Variants in WDPCP observed in about 807,000 individuals in gnomAD.
WDPCP encodes the protein WD repeat containing planar cell polarity effector, also known as WD repeat-containing and planar cell polarity effector protein fritz homolog.
Under a neutral mutation model 93.1 loss-of-function variants are expected in WDPCP, and 71 were observed. That is an observed-to-expected ratio of 0.76 (90% CI 0.63 to 0.93). The LOEUF is 0.93. Among genes scored for constraint, WDPCP ranks in the 40% least tolerant of loss-of-function variants. WDPCP has a pLI of 0.00. For synonymous variants in WDPCP, 315 were observed against 315.0 expected (o/e 1.00, Z 0.00); for missense variants, 844 against 887.4 (o/e 0.95, Z 0.62).
intron 1 of WDPCP, among the ~76,000 whole-genome samples, chr2:63,576,536 A>G (rs1355742098): frequency 2.0e-5 from 3 of 152,316 alleles, no homozygotes; most frequent in African/African-American, 7.2e-5. Flanking sequence ...CAGCTGTTCA[A>G]CTATCCAGAA....
chr2:63,719,555 G>A lies in WDPCP; in HGVS notation n.309-68717C>T, dbSNP rs114890087. Among the ~76,000 whole-genome samples the A allele has an allele frequency of 4.1e-3, 623 of 152,256 alleles. 3 individuals are homozygous for A. Among genetic ancestry groups the A allele is most frequent in the African/African-American group, 0.014 (583 of 41,532 alleles). ...ACTTTGTCAGAAACTGATAGACAAAGTGATCAAAAATTAGGCAGATACAGA... is the reference window on the plus strand; with the variant it reads ...ACTTTGTCAGAAACTGATAGACAAAATGATCAAAAATTAGGCAGATACAGA... On this transcript the variant is annotated intron_variant and non_coding_transcript_variant, in intron 2 of 4. Coordinates refer to the WDPCP transcript ENST00000467687.
chr2:63,426,345 A>G (rs1421930881), intron 9 of WDPCP, among the ~76,000 whole-genome samples: 1 of 152,174 alleles, frequency 6.6e-6, no homozygotes, highest in Non-Finnish European at 1.5e-5. Flanking sequence ...CTGTCTCAAA[A>G]AAAAACAAAA....
chr2:63,697,671 A>T (rs546928329), intron 2 of WDPCP, among the ~76,000 whole-genome samples: 1 of 152,300 alleles, frequency 6.6e-6, no homozygotes, highest in Non-Finnish European at 1.5e-5. Context: ...CTTTTGAAAC[A>T]GAGTCTCACT....
chr2:63,661,737 A>T (rs927777283), intron 2 of WDPCP, among the ~76,000 whole-genome samples: 1 of 152,248 alleles, frequency 6.6e-6, no homozygotes, highest in East Asian at 1.9e-4. Context: ...AGTAGCTGAC[A>T]TAATAGATGC....
At chr2:63,192,972 A>G (rs1225904500) in intron 14 of WDPCP, among the ~76,000 whole-genome samples, 3 of 152,376 alleles carry the variant, frequency 2.0e-5, no homozygotes, top group Non-Finnish European at 4.4e-5. Context: ...TAAAATATTT[A>G]CAAAGTAGCA....
At chr2:63,423,455 T>C (rs903591342) in intron 9 of WDPCP, among the ~76,000 whole-genome samples, 3 of 152,310 alleles carry the variant, frequency 2.0e-5, no homozygotes, top group African/African-American at 7.2e-5. Flanking sequence ...AATTAGTTTT[T>C]TCTTCTTATG....
intron 11 of WDPCP, among the ~76,000 whole-genome samples, chr2:63,380,464 G>A (rs1268266496): frequency 2.6e-5 from 4 of 152,106 alleles, no homozygotes; most frequent in Non-Finnish European, 5.9e-5. Flanking sequence ...TTGGCCAGGC[G>A]CAGTACGGGC....
chr2:63,618,183 C>T (rs1469530095), intron 3 of WDPCP, among the ~76,000 whole-genome samples: 3 of 152,144 alleles, frequency 2.0e-5, no homozygotes, highest in Non-Finnish European at 2.9e-5. Context: ...CAAATATCAA[C>T]GCCCTGTTGA....
chr2:63,418,743 AG>A (rs1695615914), intron 9 of WDPCP, among the ~76,000 whole-genome samples: 1 of 152,254 alleles, frequency 6.6e-6, no homozygotes, highest in South Asian at 2.1e-4. Context: ...AGATAATTAA[AG>A]GAAGAAGAAA....
intron 13 of WDPCP, among the ~76,000 whole-genome samples, chr2:63,303,332 T>C (rs990826243): frequency 3.3e-5 from 5 of 152,102 alleles, no homozygotes; most frequent in African/African-American, 1.2e-4. Flanking sequence ...CTAGAAGGCC[T>C]AAGAAGGTTT....
intron 2 of WDPCP, among the ~76,000 whole-genome samples, chr2:63,750,035 G>C (rs1263326334): frequency 6.6e-6 from 1 of 152,020 alleles, no homozygotes; most frequent in African/African-American, 2.4e-5. Flanking sequence ...ACAGTGACTA[G>C]AACTCTGAAA....
chr2:63,394,367 T>G (rs1274557173), intron 10 of WDPCP, among the ~76,000 whole-genome samples: 1 of 115,498 alleles, frequency 8.7e-6, no homozygotes, highest in Non-Finnish European at 1.9e-5. Flanking sequence ...ATGGCTATTA[T>G]TAATAAGCTA....
At chr2:63,734,902 C>CAGAT (rs776258962) in intron 2 of WDPCP, among the ~76,000 whole-genome samples, 7 of 144,568 alleles carry the variant, frequency 4.8e-5, no homozygotes, top group South Asian at 2.1e-4. Flanking sequence ...GACAGACAGA[C>CAGAT]AGACAGATAG....
At chr2:63,663,354 C>A (rs1246947394) in intron 2 of WDPCP, among the ~76,000 whole-genome samples, 3 of 152,308 alleles carry the variant, frequency 2.0e-5, no homozygotes, top group South Asian at 2.1e-4. Context: ...GAAGCACATA[C>A]TTGGAACTTT....
intron 14 of WDPCP, among the ~76,000 whole-genome samples, chr2:63,214,087 A>G (rs967713974): frequency 6.6e-5 from 10 of 152,228 alleles, no homozygotes; most frequent in African/African-American, 2.4e-4. Context: ...GTTCCAGTCA[A>G]TAGAAAAAGA....
At chr2:63,579,145 A>G (rs577007161) in intron 1 of WDPCP, among the ~76,000 whole-genome samples, 4 of 152,334 alleles carry the variant, frequency 2.6e-5, no homozygotes, top group East Asian at 1.9e-4. Flanking sequence ...TGCTCTAAAC[A>G]TAAGTCTTCT....
chr2:63,321,094 G>A (rs999818989), intron 12 of WDPCP, among the ~76,000 whole-genome samples: 1 of 151,844 alleles, frequency 6.6e-6, no homozygotes, highest in African/African-American at 2.4e-5. Context: ...CAATTCATCA[G>A]GAAGACCCAA....
At chr2:63,357,617 C>T (rs969814685) in intron 12 of WDPCP, among the ~76,000 whole-genome samples, 1 of 152,054 alleles carries the variant, frequency 6.6e-6, no homozygotes, top group Non-Finnish European at 1.5e-5. Flanking sequence ...CAGATGCTGG[C>T]AAGGTTGCGG....
chr2:63,314,367 G>A (rs1448650894), intron 12 of WDPCP, among the ~76,000 whole-genome samples: 1 of 151,920 alleles, frequency 6.6e-6, no homozygotes, highest in Non-Finnish European at 1.5e-5. Flanking sequence ...TGGAGTTTTT[G>A]CCATGTTGCC....
Sources: allele counts gnomAD v4.1 joint callset (sites outside exome capture counted in the v4.1 genomes callset), GRCh38; gene constraint gnomAD v4.1.1; transcripts MANE v1.5; gene names NCBI Gene and HGNC (gene_info 2026-07-23, HGNC 2026-07-21).